The following PDE3A variants were observed in gnomAD, a reference collection of about 807,000 sequenced individuals.
PDE3A encodes the protein cGMP-inhibited 3',5'-cyclic phosphodiesterase 3A.
A neutral mutation model predicts 98.3 loss-of-function variants in PDE3A; 43 were observed. That is an observed-to-expected ratio of 0.44 (90% confidence interval 0.34 to 0.56). PDE3A has a LOEUF of 0.56. Among genes scored for constraint, PDE3A ranks in the 20% least tolerant of loss-of-function variants. The probability of loss-of-function intolerance (pLI) is 0.01; values close to 1 mark genes in which losing one functional copy is unlikely to be tolerated. For synonymous variants in PDE3A, 663 were observed against 567.9 expected (o/e 1.17, Z -2.38); for missense variants, 1,427 against 1,440.7 (o/e 0.99, Z 0.15).
At position 20,551,951 on chromosome 12, in the gene PDE3A, TCCATCGG is replaced by T. The variant is rs1291989560; in HGVS notation, c.961-4706_961-4700del. The T allele has an allele frequency of 3.0e-5, 48 of 1,612,990 alleles. 3 individuals carry two copies. The South Asian group carries it at 5.3e-4, about 18-fold the overall frequency. On this transcript the variant is annotated intron_variant, in intron 1 of 15. Transcript: ENST00000359062. ...CGAGTCCAGGTCAGCGAGTCGGGTGTCCATCGGCCCCACGTGGCTGGCATCCATGGCC... is the reference window on the plus strand; with the variant it reads ...CGAGTCCAGGTCAGCGAGTCGGGTGTCCCCACGTGGCTGGCATCCATGGCC...
intron 13 of PDE3A, among the ~76,000 whole-genome samples, chr12:20,650,201 ACACT>A (rs1944883567): frequency 6.6e-6 from 1 of 151,984 alleles, no homozygotes; most frequent in Admixed American, 6.6e-5. Flanking sequence ...TATTTTTGAC[ACACT>A]CACCCTGTCA....
Position 20,369,857 on chromosome 12 carries a change from G to T in PDE3A, c.573G>T (p.Ala191=), listed in dbSNP as rs148318159. Residue 191 remains alanine, a synonymous_variant, in exon 1 of 16, where the codon GCG becomes GCT. Coordinates refer to ENST00000359062, the MANE Select transcript of PDE3A (RefSeq NM_000921.5). The stretch of plus-strand genomic sequence containing the variant: ...ATCACTTACTCTCACTCCCCGCCGC[G>T]GGGGTGGTGCTCAGCTGCTTGGCCG... The part of the protein sequence containing the change: ...GEDHLLSLPA[A]GVVLSCLAAA... The T allele has an allele frequency of 1.9e-6, 3 of 1,612,228 alleles. No homozygotes were observed. The highest frequency in any genetic ancestry group is 2.5e-6 in the Non-Finnish European group (3 of 1,179,438).
At chr12:20,551,171 A>T (rs1017186665) in intron 1 of PDE3A, among the ~76,000 whole-genome samples, 1 of 152,058 alleles carries the variant, frequency 6.6e-6, no homozygotes, top group East Asian at 1.9e-4. Context: ...TTTACTTCCA[A>T]TAAAGTTAAA....
intron 1 of PDE3A, among the ~76,000 whole-genome samples, chr12:20,493,531 AG>A (rs1396570912): frequency 6.6e-6 from 1 of 152,158 alleles, no homozygotes; most frequent in Non-Finnish European, 1.5e-5. Context: ...TGAGATACCA[AG>A]GGTTGACTAT....
At chr12:20,463,111 A>C (rs1945282171) in intron 1 of PDE3A, among the ~76,000 whole-genome samples, 1 of 152,150 alleles carries the variant, frequency 6.6e-6, no homozygotes, top group Non-Finnish European at 1.5e-5. Flanking sequence ...AAATTATCTC[A>C]GTTATAGGAC....
chr12:20,621,123 C>T (rs1296650056), intron 4 of PDE3A, among the ~76,000 whole-genome samples, 173 bp from the exon 5 acceptor site: 1 of 152,038 alleles, frequency 6.6e-6, no homozygotes, highest in Non-Finnish European at 1.5e-5. Context: ...ATTGTTTTTA[C>T]ATAATCTGTT....
In PDE3A at chr12:20,630,009, C is replaced by T. The variant is rs1230070840; in HGVS notation, c.1642C>T (p.Pro548Ser). 6.2e-7 allele frequency: 1 copy of T among 1,613,946 alleles called. No homozygotes were observed. The highest frequency in any genetic ancestry group is 1.1e-5 in the South Asian group (1 of 91,080). ...CAGCAAAATTTCTGCAGTGCAGTTT[C>T]CAGAATCTGCTGACACAACTGCCAA... Reference protein sequence around the residue: ...LVSKISAVQFPESADTTAKQS... With the variant: ...LVSKISAVQFSESADTTAKQS... The change falls in exon 6 of 16, where the codon CCA (proline) becomes TCA (serine). Residue 548 changes from proline (P) to serine (S), a missense_variant. Coordinates refer to ENST00000359062, the MANE Select transcript of PDE3A (RefSeq NM_000921.5).
intron 4 of PDE3A, among the ~76,000 whole-genome samples, chr12:20,619,894 C>A (rs1944093003): frequency 6.6e-6 from 1 of 152,016 alleles, no homozygotes; most frequent in Non-Finnish European, 1.5e-5. Flanking sequence ...GTCAGAGTGT[C>A]AAATTGACCT....
At chr12:20,625,723 A>T (rs1182788193) in intron 5 of PDE3A, among the ~76,000 whole-genome samples, 1 of 152,214 alleles carries the variant, frequency 6.6e-6, no homozygotes, top group Non-Finnish European at 1.5e-5. Context: ...TTGATTGCCC[A>T]AAATTCCTTG....
chr12:20,395,881 T>A (rs1591883425), intron 1 of PDE3A, among the ~76,000 whole-genome samples: 1 of 151,868 alleles, frequency 6.6e-6, no homozygotes, highest in Non-Finnish European at 1.5e-5. Context: ...CTTTTAAAAT[T>A]TTTTATTCTT....
chr12:20,579,293 G>A (rs1039682335), intron 2 of PDE3A, among the ~76,000 whole-genome samples: 2 of 152,248 alleles, frequency 1.3e-5, no homozygotes, highest in East Asian at 1.9e-4. Flanking sequence ...CCTTACTGAG[G>A]CTGAGTTGAA....
At chr12:20,537,858 A>G (rs1400818576) in intron 1 of PDE3A, among the ~76,000 whole-genome samples, 3 of 152,086 alleles carry the variant, frequency 2.0e-5, no homozygotes, top group African/African-American at 7.2e-5. Context: ...TTAAAAAAAA[A>G]AAAAAAAAAC....
In PDE3A at chr12:20,369,770, G is replaced by T. The variant is rs768307983; in HGVS notation, c.486G>T (p.Ala162=). The change falls in exon 1 of 16, where the codon GCG becomes GCT. Residue 162 remains alanine (A), a synonymous_variant. Coordinates refer to ENST00000359062, the MANE Select transcript of PDE3A (RefSeq NM_000921.5). ...GGGTGCGCCTGCCTCTGGCTGTCGC[G>T]CTGCTGGCCGCCTGCTGCGGGGGGG... ...RAGVRLPLAV[A]LLAACCGGEA... The T allele has an allele frequency of 3.1e-6, 5 of 1,612,444 alleles. No individual in the cohort carries two copies. Among genetic ancestry groups the T allele is most frequent in the Non-Finnish European group, 4.2e-6 (5 of 1,179,672 alleles).
At chr12:20,500,352 A>G (rs1945998975) in intron 1 of PDE3A, among the ~76,000 whole-genome samples, 1 of 152,182 alleles carries the variant, frequency 6.6e-6, no homozygotes, top group Non-Finnish European at 1.5e-5. Flanking sequence ...ATTATTGTCT[A>G]TTATTTTTAA....
At chr12:20,386,151 AT>A (rs1392564723) in intron 1 of PDE3A, among the ~76,000 whole-genome samples, 2 of 33,250 alleles carry the variant, frequency 6.0e-5, no homozygotes, top group African/African-American at 8.3e-5. Flanking sequence ...AAATATATAT[AT>A]AAATATATAT....
chr12:20,579,935 G>C (rs984995269), intron 2 of PDE3A, among the ~76,000 whole-genome samples: 23 of 152,254 alleles, frequency 1.5e-4, no homozygotes, highest in Non-Finnish European at 2.1e-4. Context: ...AGTACCAACT[G>C]AAAGGCTGGT....
intron 15 of PDE3A, among the ~76,000 whole-genome samples, chr12:20,656,015 G>T (rs944409736): frequency 6.6e-6 from 1 of 152,068 alleles, no homozygotes; most frequent in South Asian, 2.1e-4. Context: ...TGCCTCTAAA[G>T]CTACTCTCCT....
chr12:20,406,000 A>G (rs1944226257), intron 1 of PDE3A, among the ~76,000 whole-genome samples: 1 of 152,198 alleles, frequency 6.6e-6, no homozygotes, highest in African/African-American at 2.4e-5. Context: ...TATTTCACTT[A>G]GCATGATATC....
intron 1 of PDE3A, among the ~76,000 whole-genome samples, chr12:20,475,886 G>T (rs1452549670): frequency 6.6e-6 from 1 of 152,144 alleles, no homozygotes; most frequent in Non-Finnish European, 1.5e-5. Context: ...GGAACTTTTG[G>T]TGCAGAATGC....
Sources: allele counts gnomAD v4.1 joint callset (sites outside exome capture counted in the v4.1 genomes callset), GRCh38; gene constraint gnomAD v4.1.1; transcripts MANE v1.5; gene names NCBI Gene and HGNC (gene_info 2026-07-23, HGNC 2026-07-21).